The following DOK6 variants were observed in gnomAD, a reference collection of about 807,000 sequenced individuals.
DOK6 encodes downstream of tyrosine kinase 6.
A neutral mutation model predicts 44.0 loss-of-function variants in DOK6; 22 were observed. That is an observed-to-expected ratio of 0.50 (90% CI 0.36 to 0.71). The LOEUF is 0.71. Among genes scored for constraint, DOK6 ranks in the 30% least tolerant of loss-of-function variants. The pLI, the probability that DOK6 is intolerant of heterozygous loss-of-function variation, is 0.00. For synonymous variants in DOK6, 166 were observed against 145.5 expected (o/e 1.14, Z -1.01); for missense variants, 340 against 416.4 (o/e 0.82, Z 1.60).
chr18:69,423,289 G>A (rs1275866757), intron 1 of DOK6, among the ~76,000 whole-genome samples: 1 of 127,690 alleles, frequency 7.8e-6, no homozygotes, highest in Non-Finnish European at 1.6e-5. Flanking sequence ...ACAACAGAGT[G>A]AGATCCTGTC....
intron 7 of DOK6, among the ~76,000 whole-genome samples, chr18:69,813,681 T>C (rs1181910133): frequency 6.6e-6 from 1 of 151,976 alleles, no homozygotes; most frequent in African/African-American, 2.4e-5. Flanking sequence ...GCTTTGTCTT[T>C]AAAAGGATCA....
intron 6 of DOK6, among the ~76,000 whole-genome samples, chr18:69,744,458 C>CT (rs1416365951): frequency 1.4e-5 from 2 of 141,702 alleles, no homozygotes; most frequent in Non-Finnish European, 3.2e-5. Context: ...GATTTTTTTT[C>CT]TTTTTTTACT....
chr18:69,844,904 A>G lies in DOK6; in HGVS notation c.*3521A>G, dbSNP rs1328995399. The G allele has an allele frequency of 6.6e-6, 1 of 152,230 alleles. No individual in the cohort carries two copies. The highest frequency in any genetic ancestry group is 2.4e-5 in the African/African-American group (1 of 41,474). The allele number at this position is 152,230 out of a possible 1,614,324, so 9.4% of individuals were successfully genotyped here. A position where few individuals can be genotyped will look rare whatever the true frequency, so the allele number is the denominator to read the frequency against. ...TATGTTTGAAAATCTTTCATCACCT[A>G]TAAAATGGTGAGCCTCTTGTACTTT... On this transcript the variant is annotated 3_prime_UTR_variant, in exon 8 of 8. Transcript: ENST00000382713.
At chr18:69,757,568 T>C (rs1979396257) in intron 6 of DOK6, among the ~76,000 whole-genome samples, 188 bp from the exon 7 acceptor site, 1 of 151,390 alleles carries the variant, frequency 6.6e-6, no homozygotes. Flanking sequence ...AGTAAAATTG[T>C]TTACAAGTAT....
intron 2 of DOK6, among the ~76,000 whole-genome samples, chr18:69,572,223 T>G (rs1983130871): frequency 6.6e-6 from 1 of 152,024 alleles, no homozygotes; most frequent in African/African-American, 2.4e-5. Flanking sequence ...AAAGGACAAA[T>G]TTTGGATATG....
At chr18:69,549,946 A>G (rs1226586385) in intron 1 of DOK6, among the ~76,000 whole-genome samples, 1 of 150,946 alleles carries the variant, frequency 6.6e-6, no homozygotes, top group Non-Finnish European at 1.5e-5. Flanking sequence ...GATATATTAA[A>G]TAAGAGTACA....
At chr18:69,748,603 C>T (rs1488321257) in intron 6 of DOK6, among the ~76,000 whole-genome samples, 3 of 152,146 alleles carry the variant, frequency 2.0e-5, no homozygotes, top group African/African-American at 4.8e-5. Flanking sequence ...AATTGAACAA[C>T]CTGCTCCCGA....
At chr18:69,503,268 C>G (rs1981095063) in intron 1 of DOK6, among the ~76,000 whole-genome samples, 1 of 151,912 alleles carries the variant, frequency 6.6e-6, no homozygotes, top group Non-Finnish European at 1.5e-5. Flanking sequence ...AAACAGGAAC[C>G]AAGTGTTGTG....
intron 1 of DOK6, among the ~76,000 whole-genome samples, chr18:69,408,578 G>A (rs1161130134): frequency 6.6e-6 from 1 of 152,026 alleles, no homozygotes; most frequent in Non-Finnish European, 1.5e-5. Context: ...ATTTAACCTG[G>A]CTTTATAAAA....
chr18:69,786,653 T>A (rs569533879), intron 7 of DOK6, among the ~76,000 whole-genome samples: 93 of 152,300 alleles, frequency 6.1e-4, no homozygotes, highest in Admixed American at 1.5e-3. Flanking sequence ...TCAAAAATAC[T>A]CAGAAGTTAG....
rs374365213 is a variant in DOK6, at chr18:69,578,439, TTAGAAAGTTTTTGAGA to T, written c.174+13846_174+13861del. On this transcript the variant is annotated intron_variant, in intron 2 of 7. Coordinates refer to ENST00000382713, the MANE Select transcript of DOK6 (RefSeq NM_152721.6). ...ATTAAGAAAATAATTCATATCAACT[TTAGAAAGTTTTTGAGA>T]GAAATTCGGATGATAATTTCAAACA... 2.4e-3 allele frequency among the ~76,000 whole-genome samples: 373 copies of T among 152,258 alleles called. 1 individual carries two copies. The highest frequency in any genetic ancestry group is 8.7e-3 in the African/African-American group (362 of 41,554).
At position 69,431,415 on chromosome 18, in the gene DOK6, G is replaced by T. The variant is rs1027227295; in HGVS notation, c.66+30105G>T. ...TAGCAACTCTAGGCAAGAGTGGGAG[G>T]TTTCATTCTTATTTACATAATTTCA... On this transcript the variant is annotated intron_variant, in intron 1 of 7. Transcript: ENST00000382713. 2.0e-5 allele frequency among the ~76,000 whole-genome samples: 3 copies of T among 152,204 alleles called. No homozygotes were observed. The South Asian group carries it at 6.2e-4, about 32-fold the overall frequency.
intron 2 of DOK6, among the ~76,000 whole-genome samples, chr18:69,567,123 G>A (rs143282167): frequency 2.6e-4 from 39 of 152,184 alleles, no homozygotes; most frequent in African/African-American, 8.7e-4. Context: ...TCAAAACATG[G>A]TCTATCCGTT....
chr18:69,629,385 A>T (rs924122637), intron 3 of DOK6, among the ~76,000 whole-genome samples: 2 of 152,172 alleles, frequency 1.3e-5, no homozygotes, highest in African/African-American at 4.8e-5. Flanking sequence ...AATGGCCATG[A>T]ATTATGCTTA....
At chr18:69,577,423 A>G (rs1983264299) in intron 2 of DOK6, among the ~76,000 whole-genome samples, 1 of 152,170 alleles carries the variant, frequency 6.6e-6, no homozygotes, top group South Asian at 2.1e-4. Flanking sequence ...TCTATTCATT[A>G]ATGTATTCAT....
intron 1 of DOK6, among the ~76,000 whole-genome samples, chr18:69,493,598 G>A (rs933440008): frequency 5.9e-5 from 9 of 152,142 alleles, no homozygotes; most frequent in Admixed American, 1.3e-4. Flanking sequence ...TCTGAAATAT[G>A]AGCAACACTC....
At chr18:69,523,835 A>C (rs1295426959) in intron 1 of DOK6, among the ~76,000 whole-genome samples, 1 of 152,044 alleles carries the variant, frequency 6.6e-6, no homozygotes, top group Non-Finnish European at 1.5e-5. Flanking sequence ...TCTTTTACTT[A>C]AAGTAATGGT....
At chr18:69,654,592 T>C (rs1985314975) in intron 3 of DOK6, among the ~76,000 whole-genome samples, 1 of 152,338 alleles carries the variant, frequency 6.6e-6, no homozygotes, top group East Asian at 1.9e-4. Context: ...AATGGTGAAT[T>C]GTCATCCAAA....
chr18:69,406,554 C>T (rs1369015981), intron 1 of DOK6, among the ~76,000 whole-genome samples: 1 of 152,138 alleles, frequency 6.6e-6, no homozygotes, highest in Non-Finnish European at 1.5e-5. Flanking sequence ...TTACAGATGA[C>T]TGCTGGCAAG....
Sources: gnomAD v4.1 joint callset for allele counts (sites outside exome capture counted in the v4.1 genomes callset) on GRCh38, gnomAD v4.1.1 for gene constraint, MANE v1.5 for transcripts, NCBI Gene and HGNC (gene_info 2026-07-23, HGNC 2026-07-21) for gene names.